The following MFHAS1 variants were observed in gnomAD, a reference collection of about 807,000 sequenced individuals.
MFHAS1 encodes multifunctional ROCO family signaling regulator 1, also known as malignant fibrous histiocytoma-amplified sequence 1.
Under a neutral mutation model 70.4 loss-of-function variants are expected in MFHAS1, and 50 were observed. The observed-to-expected ratio is 0.71, with a 90% CI of 0.57 to 0.90. The LOEUF (loss-of-function observed/expected upper bound fraction) is 0.90, where lower values mean the gene tolerates loss of function less well. Ranked by LOEUF, MFHAS1 falls within the 40% of genes least tolerant of loss-of-function variation. The probability of loss-of-function intolerance (pLI) is 0.00; values close to 1 mark genes in which losing one functional copy is unlikely to be tolerated. For synonymous variants in MFHAS1, 952 were observed against 620.0 expected, an observed-to-expected ratio of 1.54 and a Z score of -7.96; for missense variants, 1,795 against 1,347.6, an observed-to-expected ratio of 1.33 and a Z score of -5.20.
At position 8,785,521 on chromosome 8, in the gene MFHAS1, G is replaced by T. The variant is rs1421898185; in HGVS notation, c.*501C>A. The T allele has an allele frequency of 6.5e-6, 1 of 153,962 alleles. No individual in the cohort carries two copies. Among genetic ancestry groups the T allele is most frequent in the East Asian group, 1.9e-4 (1 of 5,252 alleles). 9.5% of individuals were successfully genotyped at this position (153,962 alleles called of 1,614,324 possible). ...CACCCAGTGTGAACTAACGCTAGAA[G>T]CTTCAAACTGTATAAATTTAAATGT... On this transcript the variant is annotated 3_prime_UTR_variant, in exon 3 of 3. Coordinates refer to ENST00000276282, the MANE Select transcript of MFHAS1 (RefSeq NM_004225.3).
rs749486673 is a variant in MFHAS1, at chr8:8,893,035, G to T, written c.24C>A (p.Asn8Lys). The T allele has an allele frequency of 6.5e-6, 10 of 1,529,482 alleles. No homozygotes were observed. In the African/African-American group the frequency reaches 1.0e-4, roughly 15 times the overall value. 94.7% of individuals were successfully genotyped at this position (1,529,482 alleles called of 1,614,324 possible). ...CCCGCCACAGCCTCGCGGTCTTCAG[G>T]TTGCCACTGTCCATCCCAGCCATGG... MAGMDSG[N>K]LKTARLWRDA... The change falls in exon 1 of 3, where the codon AAC becomes AAA. Residue 8 changes from asparagine to lysine, a missense_variant. Transcript: ENST00000276282.
chr8:8,812,227 G>C (rs570357404), intron 1 of MFHAS1, among the ~76,000 whole-genome samples: 1 of 152,186 alleles, frequency 6.6e-6, no homozygotes, highest in Non-Finnish European at 1.5e-5. Flanking sequence ...GGCTTCCTTT[G>C]AGGGGGAAAG....
intron 1 of MFHAS1, among the ~76,000 whole-genome samples, chr8:8,882,584 C>G (rs1219525555): frequency 1.3e-5 from 2 of 151,984 alleles, no homozygotes; most frequent in East Asian, 3.9e-4. Flanking sequence ...TGCACTCCAC[C>G]CTGGGCGACA....
chr8:8,886,306 CA>C (rs1585073453), intron 1 of MFHAS1, among the ~76,000 whole-genome samples: 1 of 152,020 alleles, frequency 6.6e-6, no homozygotes, highest in East Asian at 1.9e-4. Context: ...GCTGGGACCA[CA>C]AGTGTGCACG....
intron 1 of MFHAS1, among the ~76,000 whole-genome samples, chr8:8,878,188 A>C (rs1809369509): frequency 6.6e-6 from 1 of 152,176 alleles, no homozygotes; most frequent in South Asian, 2.1e-4. Flanking sequence ...TCTGCCCAGA[A>C]CTTAGAATAT....
At chr8:8,799,409 G>A (rs144784128) in intron 1 of MFHAS1, among the ~76,000 whole-genome samples, 7 of 152,318 alleles carry the variant, frequency 4.6e-5, no homozygotes, top group Middle Eastern at 3.4e-3. Flanking sequence ...CCATGGATAA[G>A]GGGACCACTG....
chr8:8,800,425 G>A (rs1022924458), intron 1 of MFHAS1, among the ~76,000 whole-genome samples: 7 of 152,122 alleles, frequency 4.6e-5, no homozygotes, highest in Non-Finnish European at 8.8e-5. Flanking sequence ...CAGCATGTTC[G>A]AGCTAGACTG....
intron 1 of MFHAS1, among the ~76,000 whole-genome samples, chr8:8,872,224 GA>G (rs1809101146): frequency 6.6e-6 from 1 of 152,188 alleles, no homozygotes; most frequent in Admixed American, 6.5e-5. Flanking sequence ...TATGACCAAA[GA>G]ATCGGGATTC....
rs1160058026 is a variant in MFHAS1 at position 8,801,029 on chromosome 8, C to T, written c.2999-3538G>A. 2.0e-5 allele frequency among the ~76,000 whole-genome samples: 3 copies of T among 152,148 alleles called. No homozygotes were observed. The East Asian group carries it at 5.8e-4, about 29-fold the overall frequency. On this transcript the variant is annotated intron_variant, in intron 1 of 2. Coordinates refer to ENST00000276282, the MANE Select transcript of MFHAS1 (RefSeq NM_004225.3). ...CGGACATCGAGACTATCCTGGCCAA[C>T]ATGGTAAAACCCCGCCTCTACTAAA...
At chr8:8,850,956 T>G (rs928582978) in intron 1 of MFHAS1, among the ~76,000 whole-genome samples, 16 of 152,054 alleles carry the variant, frequency 1.1e-4, no homozygotes, top group African/African-American at 3.6e-4. Flanking sequence ...GGTTCCATAT[T>G]CACCCCATAG....
At position 8,891,668 on chromosome 8, in the gene MFHAS1, G is replaced by A; in HGVS notation, c.1391C>T (p.Thr464Met). Residue 464 changes from threonine (T) to methionine (M), a missense_variant, in exon 1 of 3, where the codon ACG becomes ATG. Coordinates refer to ENST00000276282, the MANE Select transcript of MFHAS1 (RefSeq NM_004225.3). The surrounding 1 kb of genome is among the most constrained non-coding windows in gnomAD (Gnocchi z 5.4). ...VSKGIEVTSW[T>M]ADASRGLRFI... ...CCGCAGGCCCCGGGAGGCATCGGCC[G>A]TCCAGCTGGTCACCTCGATGCCCTT... 6.2e-7 allele frequency: 1 copy of A among 1,613,560 alleles called. No individual in the cohort carries two copies. Among genetic ancestry groups the A allele is most frequent in the Non-Finnish European group, 8.5e-7 (1 of 1,180,020 alleles).
At chr8:8,842,176 G>C (rs1440179741) in intron 1 of MFHAS1, among the ~76,000 whole-genome samples, 2 of 151,936 alleles carry the variant, frequency 1.3e-5, no homozygotes, top group Non-Finnish European at 2.9e-5. Context: ...TAACTTCACA[G>C]GTCTGATTTT....
chr8:8,804,528 T>C (rs78232580), intron 1 of MFHAS1, among the ~76,000 whole-genome samples: 4,591 of 152,328 alleles, frequency 0.03, 136 homozygotes, highest in South Asian at 0.12. Context: ...ACCAGGCCAG[T>C]TGGGGCCTCT....
At chr8:8,870,151 T>C (rs1309813312) in intron 1 of MFHAS1, among the ~76,000 whole-genome samples, 2 of 152,050 alleles carry the variant, frequency 1.3e-5, no homozygotes, top group South Asian at 4.2e-4. Context: ...AGTGAATAGA[T>C]AGGCTAAAAG....
chr8:8,849,852 TGGTATGACCCAGGGAAAA>T (rs1029288571), intron 1 of MFHAS1, among the ~76,000 whole-genome samples: 5 of 152,262 alleles, frequency 3.3e-5, no homozygotes, highest in Non-Finnish European at 5.9e-5. Context: ...CCTAATTGCC[TGGTATGACCCAGGGAAAA>T]CTCCATTTTA....
At chr8:8,827,166 C>G (rs911484257) in intron 1 of MFHAS1, among the ~76,000 whole-genome samples, 2 of 152,156 alleles carry the variant, frequency 1.3e-5, no homozygotes, top group African/African-American at 4.8e-5. Context: ...ATTTTTAACA[C>G]TACACAATAT....
intron 2 of MFHAS1, among the ~76,000 whole-genome samples, chr8:8,794,841 G>A (rs762309321): frequency 3.3e-5 from 5 of 152,138 alleles, no homozygotes; most frequent in Non-Finnish European, 5.9e-5. Flanking sequence ...ATGTACCGCC[G>A]CTTACCCATG....
intron 1 of MFHAS1, among the ~76,000 whole-genome samples, chr8:8,839,884 T>G (rs1807739208): frequency 6.6e-6 from 1 of 152,092 alleles, no homozygotes; most frequent in African/African-American, 2.4e-5. Context: ...GCCTGGACTG[T>G]CTCAGATGAG....
At chr8:8,818,949 A>G (rs1806844143) in intron 1 of MFHAS1, among the ~76,000 whole-genome samples, 1 of 152,218 alleles carries the variant, frequency 6.6e-6, no homozygotes. Context: ...ATTCTGCTTC[A>G]AGGTATTTAT....
Sources: allele counts gnomAD v4.1 joint callset (sites outside exome capture counted in the v4.1 genomes callset), GRCh38; gene constraint gnomAD v4.1.1; non-coding constraint Gnocchi (gnomAD v3.1); transcripts MANE v1.5; gene names NCBI Gene and HGNC (gene_info 2026-07-23, HGNC 2026-07-21).